Variants in PPP1R37 observed in about 807,000 individuals in gnomAD.
The protein encoded by PPP1R37 is leucine rich repeat containing 68.
A neutral mutation model predicts 61.0 loss-of-function variants in PPP1R37; 21 were observed. The ratio of observed to expected loss-of-function variants is 0.34; its 90% CI spans 0.24 to 0.50. The LOEUF is 0.50. PPP1R37 is among the 20% of genes least tolerant of loss of function. The pLI is 0.98. For synonymous variants in PPP1R37, 443 were observed against 433.5 expected, an observed-to-expected ratio of 1.02 and a Z score of -0.27; for missense variants, 910 against 952.7, an observed-to-expected ratio of 0.96 and a Z score of 0.59.
chr19:45,104,744 G>A (rs1968108050), intron 1 of PPP1R37, among the ~76,000 whole-genome samples: 1 of 152,046 alleles, frequency 6.6e-6, no homozygotes, highest in East Asian at 1.9e-4. Context: ...GGTATAACCT[G>A]GCTCTTGCCA....
intron 3 of PPP1R37, 81 bp downstream of exon 3, chr19:45,140,362 C>G (rs1356520496): frequency 8.2e-7 from 1 of 1,215,642 alleles, no homozygotes; most frequent in East Asian, 4.7e-5. Context: ...GAGGACCTGC[C>G]TGGGGTTAGC....
At chr19:45,144,386 T>A (rs1968655792) in intron 8 of PPP1R37, 1 of 156,082 alleles carries the variant, frequency 6.4e-6, no homozygotes. Context: ...TGACCTCGAG[T>A]GATCCCCCCC....
In PPP1R37 at chr19:45,146,061, C is replaced by A. The variant is rs571611757; in HGVS notation, c.1993+12C>A. On this transcript the variant is annotated intron_variant, in intron 11 of 12. Transcript: ENST00000221462. Reference sequence around the variant, plus strand: ...CGGCCTGGAGCACGGTGAGAGGGGCCCTAGGGCAGGTGTTGAGGGGCCCTG... The same window carrying A: ...CGGCCTGGAGCACGGTGAGAGGGGCACTAGGGCAGGTGTTGAGGGGCCCTG... 18 of 1,517,090 alleles carry A rather than the reference C, an allele frequency of 1.2e-5. No individual in the cohort carries two copies. In the African/African-American group the frequency reaches 2.3e-4, roughly 20 times the overall value. 94.0% of individuals were successfully genotyped at this position (1,517,090 alleles called of 1,614,324 possible). A position where few individuals can be genotyped will look rare whatever the true frequency, so the allele number is the denominator to read the frequency against.
At chr19:45,115,361 G>A (rs1404695214) in intron 1 of PPP1R37, among the ~76,000 whole-genome samples, 1 of 152,154 alleles carries the variant, frequency 6.6e-6, no homozygotes, top group Non-Finnish European at 1.5e-5. Flanking sequence ...TTTGAAGTCA[G>A]GCCTACCTGT....
chr19:45,144,504 G>C (rs1968657455), intron 8 of PPP1R37: 2 of 282,926 alleles, frequency 7.1e-6, no homozygotes, highest in Admixed American at 5.4e-5. Flanking sequence ...CTCTCAGGGC[G>C]AGCACTCGTG....
intron 1 of PPP1R37, among the ~76,000 whole-genome samples, chr19:45,123,739 A>G (rs533771588): frequency 6.6e-5 from 10 of 152,262 alleles, no homozygotes; most frequent in Non-Finnish European, 1.5e-4. Flanking sequence ...CATTCTGTGC[A>G]GGGAATGCTT....
intron 1 of PPP1R37, among the ~76,000 whole-genome samples, chr19:45,133,602 A>G (rs535745811): frequency 6.6e-6 from 1 of 152,272 alleles, no homozygotes; most frequent in African/African-American, 2.4e-5. Context: ...AAGCCTTTGA[A>G]TGAACTACAG....
intron 1 of PPP1R37, among the ~76,000 whole-genome samples, chr19:45,110,136 G>A (rs1232000175): frequency 6.9e-6 from 1 of 144,822 alleles, no homozygotes; most frequent in Admixed American, 6.9e-5. Context: ...TTTTTGTTGA[G>A]ACAGAGTCTT....
chr19:45,107,620 T>G (rs963179779), intron 1 of PPP1R37, among the ~76,000 whole-genome samples: 1 of 152,108 alleles, frequency 6.6e-6, no homozygotes, highest in Non-Finnish European at 1.5e-5. Context: ...AATAAGTAAA[T>G]GAATTGTTTG....
chr19:45,132,315 CTTTTTTTTTTA>C (rs1568447810), intron 1 of PPP1R37, among the ~76,000 whole-genome samples: 1 of 149,026 alleles, frequency 6.7e-6, no homozygotes, highest in African/African-American at 2.5e-5. Context: ...TTTTTCTTTT[CTTTTTTTTTTA>C]AGAGAGTCTC....
At chr19:45,111,428 C>A (rs1305872490) in intron 1 of PPP1R37, among the ~76,000 whole-genome samples, 1 of 152,122 alleles carries the variant, frequency 6.6e-6, no homozygotes, top group Admixed American at 6.5e-5. Flanking sequence ...GTGCGCACCA[C>A]CACACCCAGC....
At chr19:45,122,516 C>T (rs946225764) in intron 1 of PPP1R37, among the ~76,000 whole-genome samples, 3 of 152,158 alleles carry the variant, frequency 2.0e-5, no homozygotes, top group African/African-American at 7.2e-5. Context: ...ATGCACAGAT[C>T]AGTACGCTTC....
chr19:45,115,813 A>G (rs1005613147), intron 1 of PPP1R37, among the ~76,000 whole-genome samples: 1 of 152,062 alleles, frequency 6.6e-6, no homozygotes, highest in African/African-American at 2.4e-5. Flanking sequence ...CGTCTCTGCT[A>G]AAAATACAAA....
chr19:45,105,137 G>A (rs966328827), intron 1 of PPP1R37, among the ~76,000 whole-genome samples: 6 of 152,188 alleles, frequency 3.9e-5, no homozygotes, highest in Non-Finnish European at 7.3e-5. Context: ...AGAAGGAAGT[G>A]GCATGCAATG....
intron 2 of PPP1R37, among the ~76,000 whole-genome samples, chr19:45,139,456 A>G (rs1376191178): frequency 3.3e-5 from 5 of 152,040 alleles, no homozygotes. Context: ...CCGGTCCCCC[A>G]GCCCCCTCCC....
In PPP1R37 at chr19:45,145,569, T is replaced by C; in HGVS notation, c.1513T>C (p.Ser505Pro). ...CCCCAGCCCCGCACCCAGCCCGGAC[T>C]CAGACTCAGACTCGGACTCGGATGG... The part of the protein sequence containing the change: ...GAPSPAPSPD[S>P]DSDSDSDGEE... Residue 505 changes from serine (S) to proline (P), a missense_variant, in exon 11 of 13, where the codon TCA (serine) becomes CCA (proline). Ser to Pro is a moderately conservative substitution (Grantham distance 74, BLOSUM62 -1). Around this residue, in one of 3 missense-constraint regions of PPP1R37, gnomAD observed 549 missense variants for 505.1 expected, o/e 1.09. Transcript: ENST00000221462. 6.5e-7 allele frequency: 1 copy of C among 1,533,128 alleles called. No homozygotes were observed. The allele number at this position is 1,533,128 out of a possible 1,614,324, so 95.0% of individuals were successfully genotyped here. A position where few individuals can be genotyped will look rare whatever the true frequency, so the allele number is the denominator to read the frequency against.
intron 10 of PPP1R37, 44 bp downstream of exon 10, chr19:45,145,304 C>CG: frequency 3.3e-6 from 5 of 1,520,718 alleles, no homozygotes; most frequent in Non-Finnish European, 4.4e-6. Context: ...GGCGGAAGGC[C>CG]GGGTGGTGGG....
At chr19:45,113,766 C>T (rs765956111) in intron 1 of PPP1R37, among the ~76,000 whole-genome samples, 1 of 152,212 alleles carries the variant, frequency 6.6e-6, no homozygotes, top group East Asian at 1.9e-4. Context: ...GTTCTCTCCG[C>T]CCCCTCACCA....
At chr19:45,126,930 G>T (rs1968412564) in intron 1 of PPP1R37, among the ~76,000 whole-genome samples, 1 of 152,222 alleles carries the variant, frequency 6.6e-6, no homozygotes, top group Admixed American at 6.5e-5. Context: ...GGTGATGTTG[G>T]TTTCTTTCAC....
Sources: allele counts gnomAD v4.1 joint callset (sites outside exome capture counted in the v4.1 genomes callset), GRCh38; gene constraint gnomAD v4.1.1; regional missense constraint gnomAD v4.1.1; transcripts MANE v1.5; gene names NCBI Gene and HGNC (gene_info 2026-07-23, HGNC 2026-07-21).